The following ADAM20 variants were observed in gnomAD, a reference collection of about 807,000 sequenced individuals.
ADAM20 encodes ADAM metallopeptidase domain 20, also known as disintegrin and metalloproteinase domain-containing protein 20.
For synonymous variants in ADAM20, 305 were observed against 310.2 expected, an observed-to-expected ratio of 0.98 and a Z score of 0.18; for missense variants, 871 against 883.2, an observed-to-expected ratio of 0.99 and a Z score of 0.18.
chr14:70,568,437 G>A, the ADAM20 span, among the ~76,000 whole-genome samples: 2 of 152,306 alleles, frequency 1.3e-5, no homozygotes, highest in Admixed American at 1.3e-4. Flanking sequence ...CTCCTCAGAC[G>A]AGAAGGAATC....
At chr14:70,534,082 C>CA (rs59828723) in intron 1 of ADAM20, among the ~76,000 whole-genome samples, 3,778 of 54,014 alleles carry the variant, frequency 0.07, 569 homozygotes, top group Non-Finnish European at 0.088. Context: ...GACCCTGTCT[C>CA]AAAAAAAAAA....
chr14:70,553,309 TAAAAAA>T, the ADAM20 span, among the ~76,000 whole-genome samples: 548 of 17,236 alleles, frequency 0.032, 4 homozygotes, highest in African/African-American at 0.12. Context: ...TAGAGTATAA[TAAAAAA>T]AAAAAAAAAA....
At chr14:70,546,675 C>T in the ADAM20 span, among the ~76,000 whole-genome samples, 1 of 152,116 alleles carries the variant, frequency 6.6e-6, no homozygotes, top group Non-Finnish European at 1.5e-5. Flanking sequence ...GTCCAAGATA[C>T]TTTCCTTTCA....
At chr14:70,561,033 AG>A in the ADAM20 span, among the ~76,000 whole-genome samples, 1 of 152,218 alleles carries the variant, frequency 6.6e-6, no homozygotes, top group Non-Finnish European at 1.5e-5. Flanking sequence ...AGAAGAAGAC[AG>A]GAAGATATGG....
At position 70,523,561 on chromosome 14, in the gene ADAM20, T is replaced by C. The variant is rs145788093; in HGVS notation, c.1197A>G (p.Pro399=). ...TCAGTCTAAATATATTCCCTGGATATGGAGGCGGTTGAATACATAATCCAC... is the reference window on the plus strand; with the variant it reads ...TCAGTCTAAATATATTCCCTGGATACGGAGGCGGTTGAATACATAATCCAC... ...ISSGLCIQPP[P]YPGNIFRLKY... is the part of the protein sequence containing the mutation. The change falls in exon 2 of 2, where the codon CCA becomes CCG. Residue 399 remains proline (P), a synonymous_variant. Coordinates refer to ENST00000256389, the MANE Select transcript of ADAM20 (RefSeq NM_003814.5). The C allele has an allele frequency of 2.8e-5, 45 of 1,614,100 alleles. No homozygotes were observed. In the African/African-American group the frequency reaches 4.9e-4, roughly 18 times the overall value.
chr14:70,532,335 A>G (rs1232975077), intron 1 of ADAM20, among the ~76,000 whole-genome samples: 4 of 152,176 alleles, frequency 2.6e-5, no homozygotes, highest in Admixed American at 2.6e-4. Flanking sequence ...AAATGAAATA[A>G]AAACATAAAA....
chr14:70,537,508 G>A (rs1307358305), upstream of ADAM20, among the ~76,000 whole-genome samples: 1 of 152,190 alleles, frequency 6.6e-6, no homozygotes, highest in Non-Finnish European at 1.5e-5. Context: ...AGTGAGGTCT[G>A]CTGTCCCAGT....
the ADAM20 span, among the ~76,000 whole-genome samples, chr14:70,574,575 G>C: frequency 6.6e-6 from 1 of 152,032 alleles, no homozygotes; most frequent in Admixed American, 6.5e-5. Context: ...GGGAGGCAGA[G>C]CTTGCAGTGA....
At chr14:70,545,453 A>G in the ADAM20 span, among the ~76,000 whole-genome samples, 1 of 152,240 alleles carries the variant, frequency 6.6e-6, no homozygotes, top group Non-Finnish European at 1.5e-5. Flanking sequence ...GGGAGCATCA[A>G]CAATCTGCTG....
the ADAM20 span, among the ~76,000 whole-genome samples, chr14:70,555,358 T>G: frequency 3.1e-4 from 47 of 152,360 alleles, no homozygotes; most frequent in Non-Finnish European, 3.7e-4. Flanking sequence ...ATAAGGCAAG[T>G]GTATATCAAA....
At chr14:70,526,711 A>G (rs1222305526) in intron 1 of ADAM20, among the ~76,000 whole-genome samples, 2 of 152,168 alleles carry the variant, frequency 1.3e-5, no homozygotes, top group Non-Finnish European at 2.9e-5. Flanking sequence ...CTTCCCATTA[A>G]TTTTGTGAAC....
chr14:70,565,641 A>G, the ADAM20 span, among the ~76,000 whole-genome samples: 1 of 152,218 alleles, frequency 6.6e-6, no homozygotes, highest in Non-Finnish European at 1.5e-5. Context: ...CATGTTCTGC[A>G]TCTGGAGATT....
chr14:70,568,043 A>G, the ADAM20 span, among the ~76,000 whole-genome samples: 25 of 151,752 alleles, frequency 1.6e-4, no homozygotes, highest in Non-Finnish European at 2.8e-4. Flanking sequence ...GCTGTCTCCT[A>G]CTCTTAAGTG....
At position 70,522,729 on chromosome 14, in the gene ADAM20, G is replaced by A. The variant is rs551271125; in HGVS notation, c.2029C>T (p.Pro677Ser). ...GYGGSADSGP[P>S]PKNNMEGLNV... is the part of the protein sequence containing the mutation. ...AATCCTTCCATGTTGTTCTTAGGAG[G>A]TGGGCCACTATCAGCACTACCTCCA... Residue 677 changes from proline (P) to serine (S), a missense_variant, in exon 2 of 2, where the codon CCT (proline) becomes TCT (serine). Coordinates refer to ENST00000256389, the MANE Select transcript of ADAM20 (RefSeq NM_003814.5). 4.3e-6 allele frequency: 7 copies of A among 1,614,000 alleles called. No individual in the cohort carries two copies. Among genetic ancestry groups the A allele is most frequent in the African/African-American group, 2.7e-5 (2 of 75,012 alleles).
chr14:70,574,617 G>A, the ADAM20 span, among the ~76,000 whole-genome samples: 3 of 151,922 alleles, frequency 2.0e-5, no homozygotes, highest in Non-Finnish European at 2.9e-5. Context: ...TCCAGCCTGG[G>A]GGACAGAGCG....
At position 70,524,380 on chromosome 14, in the gene ADAM20, A is replaced by G; in HGVS notation, c.378T>C (p.Ser126=). Residue 126 remains serine (S), a synonymous_variant, in exon 2 of 2, where the codon AGT becomes AGC. Coordinates refer to ENST00000256389, the MANE Select transcript of ADAM20 (RefSeq NM_003814.5). ...EGVPESLVAL[S]TCSGGFLGML... ...TTCCAAGAAAGCCCCCAGAACAGGT[A>G]CTAAGGGCAACCAAGGACTCAGGGA... 1.2e-6 allele frequency: 2 copies of G among 1,614,002 alleles called. No homozygotes were observed. The highest frequency in any genetic ancestry group is 1.7e-6 in the Non-Finnish European group (2 of 1,179,926).
chr14:70,540,137 C>T, the ADAM20 span, among the ~76,000 whole-genome samples: 5 of 152,156 alleles, frequency 3.3e-5, no homozygotes, highest in African/African-American at 1.2e-4. Flanking sequence ...CCTTGGCCTC[C>T]CAAAGTGCTG....
chr14:70,522,756 A>G lies in ADAM20; in HGVS notation c.2002T>C (p.Tyr668His). 2 of 1,614,058 alleles carry G rather than the reference A, an allele frequency of 1.2e-6. No homozygotes were observed. Among genetic ancestry groups the G allele is most frequent in the South Asian group, 2.2e-5 (2 of 91,080 alleles). The change falls in exon 2 of 2, where the codon TAT (tyrosine) becomes CAT (histidine). Residue 668 changes from tyrosine to histidine, a missense_variant. By Grantham distance (83) the Tyr-to-His change is moderately conservative. Transcript: ENST00000256389. ...GGGCCACTATCAGCACTACCTCCAT[A>G]GCCTTTGTCCTTGCAGTATGGGGGT... ...WAPPYCKDKG[Y>H]GGSADSGPPP...
the ADAM20 span, among the ~76,000 whole-genome samples, chr14:70,553,525 TAAAAA>T: frequency 1.8e-5 from 1 of 57,010 alleles, no homozygotes; most frequent in Non-Finnish European, 3.4e-5. Flanking sequence ...GCAAAAATCC[TAAAAA>T]AAAAAAAAAA....
Sources: gnomAD v4.1 joint callset for allele counts (sites outside exome capture counted in the v4.1 genomes callset) on GRCh38, gnomAD v4.1.1 for gene constraint, MANE v1.5 for transcripts, NCBI Gene and HGNC (gene_info 2026-07-23, HGNC 2026-07-21) for gene names.